SLC14A2: variants seen among roughly 807,000 people sequenced by gnomAD.
SLC14A2 encodes the protein solute carrier family 14 member 2.
In SLC14A2, 91 loss-of-function variants were observed where a neutral mutation model predicts 104.6. The observed-to-expected ratio is 0.87, with a 90% CI of 0.73 to 1.04. The LOEUF (loss-of-function observed/expected upper bound fraction) is 1.04. SLC14A2 is among the 50% of genes least tolerant of loss of function. SLC14A2 has a pLI of 0.00. For missense variants in SLC14A2, 1,189 were observed against 1,156.0 expected, an observed-to-expected ratio of 1.03 and a Z score of -0.41; for synonymous variants, 476 against 466.4, an observed-to-expected ratio of 1.02 and a Z score of -0.27.
intron 1 of SLC14A2, among the ~76,000 whole-genome samples, chr18:45,217,274 C>T (rs1322234623): frequency 6.8e-6 from 1 of 147,904 alleles, no homozygotes; most frequent in Non-Finnish European, 1.5e-5. Flanking sequence ...ACATATATTA[C>T]ATAGATATGT....
intron 1 of SLC14A2, among the ~76,000 whole-genome samples, chr18:45,619,690 G>T (rs946628075): frequency 3.8e-4 from 58 of 152,130 alleles, no homozygotes; most frequent in African/African-American, 1.3e-3. Flanking sequence ...ACGGGCTGAG[G>T]CCCTCAGCCC....
At chr18:45,503,229 G>T (rs2043227074) in intron 2 of SLC14A2, among the ~76,000 whole-genome samples, 1 of 152,154 alleles carries the variant, frequency 6.6e-6, no homozygotes, top group South Asian at 2.1e-4. Context: ...TAGGGCCCTT[G>T]TCTAAGCCCT....
intron 1 of SLC14A2, among the ~76,000 whole-genome samples, chr18:45,344,757 G>A (rs748296039): frequency 6.6e-5 from 10 of 152,154 alleles, no homozygotes; most frequent in Non-Finnish European, 8.8e-5. Context: ...AGTGGTGTGC[G>A]TCAGTGGCAT....
At chr18:45,636,856 A>G in intron 5 of SLC14A2, 134 bp from the exon 6 acceptor site, 1 of 646,002 alleles carries the variant, frequency 1.5e-6, no homozygotes, top group South Asian at 2.3e-5. Context: ...TCATTGGAAC[A>G]CTGGAGTCTC....
chr18:45,418,751 A>T (rs1290716365), intron 1 of SLC14A2, among the ~76,000 whole-genome samples: 1 of 152,238 alleles, frequency 6.6e-6, no homozygotes, highest in East Asian at 1.9e-4. Context: ...GAGAAGGACG[A>T]ACGAAGACAT....
intron 2 of SLC14A2, among the ~76,000 whole-genome samples, chr18:45,510,361 AC>A (rs1359077713): frequency 2.6e-5 from 4 of 152,180 alleles, no homozygotes; most frequent in Admixed American, 6.5e-5. Context: ...CCCAAGCCAT[AC>A]TAAGCGTAGG....
At chr18:45,582,057 A>C (rs2044500725) in intron 2 of SLC14A2, among the ~76,000 whole-genome samples, 1 of 152,226 alleles carries the variant, frequency 6.6e-6, no homozygotes, top group East Asian at 1.9e-4. Flanking sequence ...GAGTGGCCTG[A>C]ACAATGAGAT....
chr18:45,510,674 CGA>C, intron 2 of SLC14A2, among the ~76,000 whole-genome samples: 1 of 152,262 alleles, frequency 6.6e-6, no homozygotes, highest in Non-Finnish European at 1.5e-5. Context: ...TTCTACCCAC[CGA>C]GAGAGGCATA....
intron 1 of SLC14A2, among the ~76,000 whole-genome samples, chr18:45,272,504 C>T (rs1599633066): frequency 6.6e-6 from 1 of 151,994 alleles, no homozygotes; most frequent in African/African-American, 2.4e-5. Context: ...CACATGTTCT[C>T]ACTTATTTGT....
chr18:45,359,329 C>A (rs1214144177), intron 1 of SLC14A2, among the ~76,000 whole-genome samples: 1 of 152,174 alleles, frequency 6.6e-6, no homozygotes, highest in Non-Finnish European at 1.5e-5. Flanking sequence ...CCCCGTCTAG[C>A]GTTTGTTCCA....
the SLC14A2 span, among the ~76,000 whole-genome samples, chr18:45,177,832 T>C: frequency 6.6e-6 from 1 of 152,218 alleles, no homozygotes; most frequent in African/African-American, 2.4e-5. Context: ...CCATTTGTTT[T>C]GAATGAATAA....
the SLC14A2 span, among the ~76,000 whole-genome samples, chr18:45,169,634 A>G: frequency 1.1e-3 from 163 of 152,306 alleles, 2 homozygotes; most frequent in African/African-American, 3.8e-3. Context: ...ATATTCTGCC[A>G]AAGACCATTT....
At chr18:45,286,718 T>TTGTGTGTGTGTGTGTGTG (rs112827861) in intron 1 of SLC14A2, among the ~76,000 whole-genome samples, 84 of 150,718 alleles carry the variant, frequency 5.6e-4, no homozygotes, top group African/African-American at 1.7e-3. Flanking sequence ...TCCCCCCAAC[T>TTGTGTGTGTGTGTGTGTG]TGTGTGTGTG....
At chr18:45,679,771 A>G (rs970988873) in intron 19 of SLC14A2, among the ~76,000 whole-genome samples, 1 of 152,172 alleles carries the variant, frequency 6.6e-6, no homozygotes, top group Non-Finnish European at 1.5e-5. Context: ...CATAAGAAGG[A>G]ATTTTTCTAA....
Position 45,460,013 on chromosome 18 carries a change from G to A in SLC14A2, c.-124-23220G>A, listed in dbSNP as rs1034786157. ...TGCCCCATCCAGGTCCAATCTTTTT[G>A]GTCAGCACCCAATATCCCGGACTCT... On this transcript the variant is annotated intron_variant, in intron 1 of 20. Transcript: ENST00000586448. 1.1e-3 allele frequency among the ~76,000 whole-genome samples: 168 copies of A among 152,068 alleles called. 2 individuals carry two copies. Among genetic ancestry groups the A allele is most frequent in the South Asian group, 1.0e-3 (5 of 4,820 alleles).
chr18:45,254,000 T>C (rs908902012), intron 1 of SLC14A2, among the ~76,000 whole-genome samples: 1 of 152,182 alleles, frequency 6.6e-6, no homozygotes, highest in Admixed American at 6.5e-5. Flanking sequence ...GGAAGTTTCA[T>C]AGCAGAACCA....
intron 1 of SLC14A2, among the ~76,000 whole-genome samples, chr18:45,392,021 C>G (rs1447096426): frequency 6.6e-6 from 1 of 152,144 alleles, no homozygotes. Context: ...TCCAGAGACA[C>G]TCAATATTGT....
At chr18:45,307,458 A>G (rs1025730819) in intron 1 of SLC14A2, among the ~76,000 whole-genome samples, 5 of 151,570 alleles carry the variant, frequency 3.3e-5, no homozygotes, top group Non-Finnish European at 5.9e-5. Flanking sequence ...AAAACCAACA[A>G]CAACAAAAAA....
At chr18:45,250,039 C>A (rs1299468029) in intron 1 of SLC14A2, among the ~76,000 whole-genome samples, 1 of 152,012 alleles carries the variant, frequency 6.6e-6, no homozygotes, top group Non-Finnish European at 1.5e-5. Context: ...AAAAGATGGA[C>A]CCTCACTAAG....
Sources: allele counts gnomAD v4.1 joint callset (sites outside exome capture counted in the v4.1 genomes callset), GRCh38; gene constraint gnomAD v4.1.1; transcripts MANE v1.5; gene names NCBI Gene and HGNC (gene_info 2026-07-23, HGNC 2026-07-21).